Variants in SCN7A observed in about 807,000 individuals in gnomAD.
The protein encoded by SCN7A is sodium channel protein type 7 subunit alpha.
A neutral mutation model predicts 155.2 loss-of-function variants in SCN7A; 138 were observed. The ratio of observed to expected loss-of-function variants is 0.89; its 90% CI spans 0.77 to 1.02. The LOEUF is 1.02. Among genes scored for constraint, SCN7A ranks in the 50% least tolerant of loss-of-function variants. The pLI is 0.00. For missense variants in SCN7A, 2,058 were observed against 1,986.6 expected, an observed-to-expected ratio of 1.04 and a Z score of -0.68; for synonymous variants, 693 against 649.0, an observed-to-expected ratio of 1.07 and a Z score of -1.03.
intron 10 of SCN7A, 127 bp downstream of exon 10, chr2:166,462,262 C>T (rs2105477331): frequency 9.7e-7 from 1 of 1,034,404 alleles, no homozygotes; most frequent in South Asian, 2.1e-5. Flanking sequence ...TTCTAGTTCT[C>T]TTTTCTTTTG....
At chr2:166,414,114 T>A (rs1328961029) in intron 21 of SCN7A, among the ~76,000 whole-genome samples, 2 of 85,572 alleles carry the variant, frequency 2.3e-5, no homozygotes, top group Non-Finnish European at 4.1e-5. Flanking sequence ...TATATATAAA[T>A]ATATATAATA....
rs1559134788 is a variant in SCN7A at position 166,494,196 on chromosome 2, G to A, written c.-356C>T. On this transcript the variant is annotated 5_prime_UTR_variant, in exon 1 of 26. Coordinates refer to ENST00000643258, the MANE Select transcript of SCN7A (RefSeq NM_002976.4). ...CAGTTAGACACCGACTCACTGGGGC[G>A]ACTCTCCAGCCACTGACCCAGAGAC... 6.6e-6 allele frequency: 1 copy of A among 152,352 alleles called. No individual in the cohort carries two copies. The highest frequency in any genetic ancestry group is 1.5e-5 in the Non-Finnish European group (1 of 68,280). 9.4% of individuals were successfully genotyped at this position (152,352 alleles called of 1,614,324 possible). A position where few individuals can be genotyped will look rare whatever the true frequency, so the allele number is the denominator to read the frequency against.
chr2:166,432,278 T>A, intron 16 of SCN7A, 40 bp downstream of exon 16: 11 of 1,499,128 alleles, frequency 7.3e-6, no homozygotes, highest in Non-Finnish European at 9.0e-6. Context: ...AACAATACTA[T>A]AAATCACCAC....
chr2:166,409,580 T>C, intron 25 of SCN7A, 85 bp downstream of exon 25: 2 of 1,046,528 alleles, frequency 1.9e-6, no homozygotes, highest in Non-Finnish European at 2.7e-6. Flanking sequence ...TTTTGAAATG[T>C]AGGAGACTAT....
chr2:166,406,319 T>C lies in SCN7A; in HGVS notation c.4310A>G (p.Asp1437Gly), dbSNP rs1389213565. The change falls in exon 26 of 26, where the codon GAT becomes GGT. Residue 1437 changes from aspartate to glycine, a missense_variant. Physicochemically the swap from Asp to Gly is moderately conservative, Grantham distance 94 (BLOSUM62 -1). Coordinates refer to ENST00000643258, the MANE Select transcript of SCN7A (RefSeq NM_002976.4). Reference sequence around the variant, plus strand: ...GTTGAAAATTGCATCAAGCATCCCATCCCAACCAGCAAATATTGCAACTTG... The same window carrying C: ...GTTGAAAATTGCATCAAGCATCCCACCCCAACCAGCAAATATTGCAACTTG... ...LFQVAIFAGW[D>G]GMLDAIFNSK... 1 of 1,613,092 alleles carries C rather than the reference T, an allele frequency of 6.2e-7. No homozygotes were observed. Among genetic ancestry groups the C allele is most frequent in the Non-Finnish European group, 8.5e-7 (1 of 1,179,404 alleles).
rs1484239595 is a variant in SCN7A at position 166,428,277 on chromosome 2, CTGAATGTTACATTTTGATA to C, written c.2699-354_2699-336del. ...GAAAATACACACAAATATCTCATTT[CTGAATGTTACATTTTGATA>C]TAATGCCTGAAAATTTACTCTTTGA... On this transcript the variant is annotated intron_variant, in intron 17 of 25. Transcript: ENST00000643258. Among the ~76,000 whole-genome samples the C allele has an allele frequency of 4.6e-5, 7 of 152,022 alleles. 1 individual carries two copies. The highest frequency in any genetic ancestry group is 3.9e-4 in the Admixed American group (6 of 15,232).
chr2:166,452,863 A>C (rs990577783), intron 11 of SCN7A, among the ~76,000 whole-genome samples: 6 of 152,182 alleles, frequency 3.9e-5, no homozygotes, highest in African/African-American at 1.2e-4. Context: ...GATGGTACTT[A>C]TCATATGTCT....
At chr2:166,486,660 AGCTTGT>A (rs992245505) in intron 2 of SCN7A, among the ~76,000 whole-genome samples, 190 bp downstream of exon 2, 6 of 152,210 alleles carry the variant, frequency 3.9e-5, no homozygotes, top group African/African-American at 1.4e-4. Flanking sequence ...ATTTCAGAAT[AGCTTGT>A]GCTGCAGCCT....
At chr2:166,426,051 G>T (rs913402328) in intron 18 of SCN7A, among the ~76,000 whole-genome samples, 15 of 151,952 alleles carry the variant, frequency 9.9e-5, no homozygotes, top group African/African-American at 3.6e-4. Flanking sequence ...AACAAGAAAT[G>T]GTAAGTTCTC....
Position 166,423,373 on chromosome 2 carries a change from AG to A in SCN7A, c.2912del (p.Ala971ValfsTer3). On this transcript the variant is annotated frameshift_variant, in exon 19 of 26. Coordinates refer to ENST00000643258, the MANE Select transcript of SCN7A (RefSeq NM_002976.4). LOFTEE classifies it high-confidence loss of function. The part of the protein sequence containing the change: ...RKTIKILLEY[A>X]DMIFTYIFIL... The stretch of plus-strand genomic sequence containing the variant: ...TGAAGATATAAGTAAAGATCATGTC[AG>A]CATATTCTAATAAAATTTTAATTGT... The A allele has an allele frequency of 6.2e-7, 1 of 1,606,256 alleles. No homozygotes were observed. Among genetic ancestry groups the A allele is most frequent in the Non-Finnish European group, 8.5e-7 (1 of 1,177,352 alleles).
chr2:166,449,491 T>G (rs1702134223), intron 11 of SCN7A, among the ~76,000 whole-genome samples: 1 of 152,064 alleles, frequency 6.6e-6, no homozygotes, highest in African/African-American at 2.4e-5. Flanking sequence ...TATTTCACTA[T>G]CAGTCAAGCC....
intron 12 of SCN7A, 26 bp downstream of exon 12, chr2:166,447,586 G>A (rs1185420994): frequency 7.1e-7 from 1 of 1,418,180 alleles, no homozygotes; most frequent in African/African-American, 1.4e-5. Context: ...CTTCAATAGT[G>A]AGTGTCTACT....
At position 166,404,861 on chromosome 2, in the gene SCN7A, T is replaced by C. The variant is rs1269085685; in HGVS notation, c.*719A>G. 6.7e-6 allele frequency: 1 copy of C among 150,116 alleles called. No individual in the cohort carries two copies. The highest frequency in any genetic ancestry group is 1.5e-5 in the Non-Finnish European group (1 of 67,596). 9.3% of individuals were successfully genotyped at this position (150,116 alleles called of 1,614,324 possible). A position where few individuals can be genotyped will look rare whatever the true frequency, so the allele number is the denominator to read the frequency against. On this transcript the variant is annotated 3_prime_UTR_variant, in exon 26 of 26. Transcript: ENST00000643258. The stretch of plus-strand genomic sequence containing the variant: ...AAAAAAAAAGGCTATACCTCTCCTT[T>C]ATGCTTCTTGTTTTACGAATCTGTC...
intron 3 of SCN7A, among the ~76,000 whole-genome samples, chr2:166,476,059 C>T (rs1168777382): frequency 6.6e-6 from 1 of 151,858 alleles, no homozygotes; most frequent in Non-Finnish European, 1.5e-5. Flanking sequence ...ATGACATAAA[C>T]ATAGCAAAAA....
intron 2 of SCN7A, 35 bp from the exon 3 acceptor site, chr2:166,477,745 A>G: frequency 7.6e-7 from 1 of 1,316,170 alleles, no homozygotes; most frequent in Non-Finnish European, 1.0e-6. Context: ...TGGGTATACT[A>G]ATAAAACATA....
rs1702635591 is a variant in SCN7A, at chr2:166,470,711, G to T, written c.573-5C>A. 6.3e-7 allele frequency: 1 copy of T among 1,593,252 alleles called. No homozygotes were observed. Among genetic ancestry groups the T allele is most frequent in the Non-Finnish European group, 8.6e-7 (1 of 1,169,058 alleles). ...GGTGAGTATCTTATAATAACCCTGT[G>T]GAATTAAATTAGAGTTACTTAAAAG... On this transcript the variant is annotated splice_polypyrimidine_tract_variant and splice_region_variant and intron_variant, in intron 6 of 25. Coordinates refer to ENST00000643258, the MANE Select transcript of SCN7A (RefSeq NM_002976.4).
intron 17 of SCN7A, 129 bp downstream of exon 17, chr2:166,429,040 T>C (rs1173868085): frequency 8.7e-6 from 5 of 576,358 alleles, no homozygotes; most frequent in Non-Finnish European, 1.5e-5. Flanking sequence ...CACTTGTACA[T>C]TTAACATGAA....
intron 25 of SCN7A, among the ~76,000 whole-genome samples, chr2:166,409,284 A>T (rs1313837931): frequency 6.6e-6 from 1 of 151,976 alleles, no homozygotes; most frequent in African/African-American, 2.4e-5. Flanking sequence ...AGTTTTAGAG[A>T]TTAGAGGGAA....
At chr2:166,463,955 C>A (rs546568774) in intron 9 of SCN7A, among the ~76,000 whole-genome samples, 1 of 151,918 alleles carries the variant, frequency 6.6e-6, no homozygotes, top group Non-Finnish European at 1.5e-5. Context: ...ACTTGAGAGG[C>A]AGAGGCACTA....
Sources: allele counts gnomAD v4.1 joint callset (sites outside exome capture counted in the v4.1 genomes callset), GRCh38; gene constraint gnomAD v4.1.1; transcripts MANE v1.5; gene names NCBI Gene and HGNC (gene_info 2026-07-23, HGNC 2026-07-21).